ADAM2: variants seen among roughly 807,000 people sequenced by gnomAD.
ADAM2 encodes the protein ADAM metallopeptidase domain 2.
Under a neutral mutation model 99.3 loss-of-function variants are expected in ADAM2, and 101 were observed. The ratio of observed to expected loss-of-function variants is 1.02; its 90% CI spans 0.87 to 1.20. ADAM2 has a LOEUF of 1.20. ADAM2 is among the 50% of genes most tolerant of loss of function. The probability of loss-of-function intolerance (pLI) is 0.00; values close to 1 mark genes in which losing one functional copy is unlikely to be tolerated. For synonymous variants in ADAM2, 323 were observed against 287.6 expected, an observed-to-expected ratio of 1.12 and a Z score of -1.25; for missense variants, 948 against 878.7, an observed-to-expected ratio of 1.08 and a Z score of -1.00.
intron 10 of ADAM2, among the ~76,000 whole-genome samples, chr8:39,785,389 G>A (rs1803423414): frequency 6.6e-6 from 1 of 152,188 alleles, no homozygotes; most frequent in Non-Finnish European, 1.5e-5. Flanking sequence ...AGGCTATGAG[G>A]AAAACAGACT....
chr8:39,801,039 C>A (rs1179598892), intron 7 of ADAM2, among the ~76,000 whole-genome samples: 1 of 152,128 alleles, frequency 6.6e-6, no homozygotes, highest in Non-Finnish European at 1.5e-5. Context: ...ATCCTCTGTG[C>A]CAGTTCTGTG....
intron 7 of ADAM2, among the ~76,000 whole-genome samples, chr8:39,794,340 T>C (rs1246253407): frequency 6.6e-6 from 1 of 152,138 alleles, no homozygotes; most frequent in East Asian, 1.9e-4. Flanking sequence ...CTGCTAGAAA[T>C]ATGGGAATGA....
rs767346582 is a variant in ADAM2, at chr8:39,824,887, G to T, written c.199C>A (p.Pro67Thr). ...TVNLMQKNFL[P>T]HNFRVYSYSG... The stretch of plus-strand genomic sequence containing the variant: ...TAACTGTAAACTCTAAAATTATGGG[G>T]TAAAAAGTTTCTGTAACATAAAGAT... Residue 67 changes from proline (P) to threonine (T), a missense_variant, in exon 4 of 21, where the codon CCC (proline) becomes ACC (threonine). Coordinates refer to ENST00000265708, the MANE Select transcript of ADAM2 (RefSeq NM_001464.5). 6 of 1,482,572 alleles carry T rather than the reference G, an allele frequency of 4.0e-6. No homozygotes were observed. Among genetic ancestry groups the T allele is most frequent in the African/African-American group, 1.4e-5 (1 of 71,452 alleles). The allele number at this position is 1,482,572 out of a possible 1,614,324, so 91.8% of individuals were successfully genotyped here. A position where few individuals can be genotyped will look rare whatever the true frequency, so the allele number is the denominator to read the frequency against.
At chr8:39,822,752 T>A (rs191613468) in intron 4 of ADAM2, among the ~76,000 whole-genome samples, 4 of 151,928 alleles carry the variant, frequency 2.6e-5, no homozygotes, top group African/African-American at 9.7e-5. Flanking sequence ...GTCTGTTTTT[T>A]TTTTGTTTTG....
At chr8:39,783,260 ATACTC>A (rs978805862) in intron 10 of ADAM2, among the ~76,000 whole-genome samples, 1 of 152,144 alleles carries the variant, frequency 6.6e-6, no homozygotes, top group Non-Finnish European at 1.5e-5. Flanking sequence ...GCTTTGGTAA[ATACTC>A]TACATTAGCA....
Position 39,777,105 on chromosome 8 carries a change from G to T in ADAM2, c.948C>A (p.Ser316Arg), listed in dbSNP as rs1303460265. ...CATCATAAGTGATCCCCATACTAAG[G>T]CTCAATAATTGAGCTAAAATAACTG... ...SLAVILAQLL[S>R]LSMGITYDDI... The change falls in exon 11 of 21, where the codon AGC (serine) becomes AGA (arginine). Residue 316 changes from serine (S) to arginine (R), a missense_variant. Coordinates refer to ENST00000265708, the MANE Select transcript of ADAM2 (RefSeq NM_001464.5). 3.7e-6 allele frequency: 6 copies of T among 1,608,434 alleles called. No individual in the cohort carries two copies. The African/African-American group carries it at 8.0e-5, about 22-fold the overall frequency.
In ADAM2 at chr8:39,824,916, A is replaced by G; in HGVS notation, c.189-19T>C. On this transcript the variant is annotated intron_variant, in intron 3 of 20. Transcript: ENST00000265708. ...AAAGTTTCTGTAACATAAAGATAAA[A>G]TGGAAAAATTTGATTCTTAACCTTT... The G allele has an allele frequency of 8.8e-7, 1 of 1,142,080 alleles. No individual in the cohort carries two copies. Among genetic ancestry groups the G allele is most frequent in the Non-Finnish European group, 1.3e-6 (1 of 769,392 alleles). The allele number at this position is 1,142,080 out of a possible 1,614,324, so 70.7% of individuals were successfully genotyped here. A position where few individuals can be genotyped will look rare whatever the true frequency, so the allele number is the denominator to read the frequency against.
intron 3 of ADAM2, among the ~76,000 whole-genome samples, chr8:39,825,135 C>A (rs183676916): frequency 1.3e-5 from 2 of 152,142 alleles, no homozygotes; most frequent in African/African-American, 2.4e-5. Context: ...TTGGACCTCA[C>A]GATATTTGTA....
chr8:39,755,909 T>C lies in ADAM2; in HGVS notation c.1616A>G (p.Asn539Ser), dbSNP rs1802133136. 1.4e-6 allele frequency: 2 copies of C among 1,432,290 alleles called. No homozygotes were observed. Among genetic ancestry groups the C allele is most frequent in the African/African-American group, 1.4e-5 (1 of 69,732 alleles). The allele number at this position is 1,432,290 out of a possible 1,614,324, so 88.7% of individuals were successfully genotyped here. A position where few individuals can be genotyped will look rare whatever the true frequency, so the allele number is the denominator to read the frequency against. Reference sequence around the variant, plus strand: ...ACATATTAATTTTCCGCACTGCAGATTGCTATAATTTATCCACAAATAAAA... The same window carrying C: ...ACATATTAATTTTCCGCACTGCAGACTGCTATAATTTATCCACAAATAAAA... Reference protein sequence around the residue: ...DSGYTQCEADNLQCGKLICKY... With the variant: ...DSGYTQCEADSLQCGKLICKY... Residue 539 changes from asparagine to serine, a missense_variant and splice_region_variant, in exon 16 of 21, where the codon AAT (asparagine) becomes AGT (serine). Transcript: ENST00000265708.
intron 14 of ADAM2, among the ~76,000 whole-genome samples, chr8:39,764,933 G>C (rs1041180673): frequency 2.0e-5 from 3 of 151,910 alleles, no homozygotes; most frequent in Admixed American, 6.6e-5. Flanking sequence ...TGAGGCAGGA[G>C]AATCACTGGA....
rs1823461388 is a variant in ADAM2 at position 39,746,370 on chromosome 8, A to C, written c.2174+102T>G. The stretch of plus-strand genomic sequence containing the variant: ...AGTTATTAAATTCCCATATAAAGAC[A>C]ATAATTGAATTTGAATTATTACTCA... On this transcript the variant is annotated intron_variant, in intron 19 of 20. Coordinates refer to ENST00000265708, the MANE Select transcript of ADAM2 (RefSeq NM_001464.5). 3 of 828,630 alleles carry C rather than the reference A, an allele frequency of 3.6e-6. No homozygotes were observed. The East Asian group carries it at 8.6e-5, about 24-fold the overall frequency. 51.3% of individuals were successfully genotyped at this position (828,630 alleles called of 1,614,324 possible). A position where few individuals can be genotyped will look rare whatever the true frequency, so the allele number is the denominator to read the frequency against.
In ADAM2 at chr8:39,784,922, G is replaced by GT. The variant is rs367863435; in HGVS notation, c.891+2051dup. Among the ~76,000 whole-genome samples, 773 of 152,128 alleles carry GT rather than the reference G, an allele frequency of 5.1e-3. 4 individuals carry two copies. Among genetic ancestry groups the GT allele is most frequent in the African/African-American group, 0.018 (730 of 41,514 alleles). ...TTGTTTGTTTTTTGCTTGTTCAATT[G>GT]TTTCACCACCTTATAGATTCTGGAT... On this transcript the variant is annotated intron_variant, in intron 10 of 20. Coordinates refer to ENST00000265708, the MANE Select transcript of ADAM2 (RefSeq NM_001464.5).
intron 3 of ADAM2, among the ~76,000 whole-genome samples, chr8:39,828,822 G>C (rs1805512660): frequency 6.6e-6 from 1 of 151,730 alleles, no homozygotes; most frequent in Non-Finnish European, 1.5e-5. Flanking sequence ...AAATTGTGCT[G>C]GGTCCACTGG....
At chr8:39,788,343 A>G in intron 8 of ADAM2, 92 bp from the exon 9 acceptor site, 1 of 755,926 alleles carries the variant, frequency 1.3e-6, no homozygotes, top group South Asian at 2.7e-5. Flanking sequence ...GATAAATATT[A>G]AACAACTAAA....
intron 3 of ADAM2, among the ~76,000 whole-genome samples, chr8:39,827,490 T>C (rs1370117662): frequency 2.0e-5 from 3 of 152,118 alleles, no homozygotes; most frequent in South Asian, 2.1e-4. Context: ...TAAGTTTCCA[T>C]CAATGGACAA....
intron 6 of ADAM2, among the ~76,000 whole-genome samples, chr8:39,810,252 G>A (rs912273849): frequency 6.6e-6 from 1 of 152,160 alleles, no homozygotes; most frequent in Non-Finnish European, 1.5e-5. Context: ...AAATATATAT[G>A]AGCCAAATAC....
chr8:39,821,741 GT>G, intron 4 of ADAM2, 79 bp from the exon 5 acceptor site: 1 of 1,023,508 alleles, frequency 9.8e-7, no homozygotes, highest in Non-Finnish European at 1.5e-6. Context: ...AAACATATAT[GT>G]GTTTTGTTTT....
At chr8:39,755,424 C>CA (rs1443123900) in intron 16 of ADAM2, among the ~76,000 whole-genome samples, 6 of 152,182 alleles carry the variant, frequency 3.9e-5, no homozygotes, top group African/African-American at 1.4e-4. Flanking sequence ...CCTGTAATCC[C>CA]AGCACTTCAG....
chr8:39,766,905 A>C lies in ADAM2; in HGVS notation c.1450T>G (p.Cys484Gly). ...CCACTCATACAAACTCCATCTATAC[A>C]GATCCATTGATTCAGTCCACACGGA... is the stretch of plus-strand genomic sequence containing the variant. ...GHPCGLNQWICIDGVCMSGDK... is the reference protein window; with the variant it reads ...GHPCGLNQWIGIDGVCMSGDK... The change falls in exon 14 of 21, where the codon TGT becomes GGT. Residue 484 changes from cysteine to glycine, a missense_variant. Transcript: ENST00000265708. The C allele has an allele frequency of 6.2e-7, 1 of 1,614,128 alleles. No individual in the cohort carries two copies. The highest frequency in any genetic ancestry group is 1.1e-5 in the South Asian group (1 of 91,084).
Sources: allele counts gnomAD v4.1 joint callset (sites outside exome capture counted in the v4.1 genomes callset), GRCh38; gene constraint gnomAD v4.1.1; transcripts MANE v1.5; gene names NCBI Gene and HGNC (gene_info 2026-07-23, HGNC 2026-07-21).